Variants in KIF13B observed in about 807,000 individuals in gnomAD.
The protein encoded by KIF13B is kinesin-like protein KIF13B.
A neutral mutation model predicts 222.0 loss-of-function variants in KIF13B; 127 were observed. The observed-to-expected ratio is 0.57, with a 90% CI of 0.50 to 0.66. The LOEUF (loss-of-function observed/expected upper bound fraction) is 0.66. KIF13B is among the 30% of genes least tolerant of loss of function. The pLI is 0.00. For synonymous variants in KIF13B, 976 were observed against 919.0 expected (o/e 1.06, Z -1.12); for missense variants, 2,173 against 2,379.0 (o/e 0.91, Z 1.80).
chr8:29,228,340 G>A (rs777303705), intron 2 of KIF13B, among the ~76,000 whole-genome samples: 15 of 151,286 alleles, frequency 9.9e-5, no homozygotes, highest in East Asian at 1.9e-4. Context: ...GGTGGCGGGC[G>A]CCTGTAATCC....
Position 29,186,390 on chromosome 8 carries a change from T to G in KIF13B, c.399A>C (p.Arg133=). The change falls in exon 6 of 40, where the codon CGA becomes CGC. Residue 133 remains arginine, a synonymous_variant. Coordinates refer to ENST00000524189, the MANE Select transcript of KIF13B (RefSeq NM_015254.4). ...IPRLCSGLFE[R]TQKEENEEQS... is the part of the protein sequence containing the mutation. Reference sequence around the variant, plus strand: ...GTTCTTCATTTTCCTCTTTCTGAGTTCGTTCAAAGAGTCCACTGCAAAGTC... The same window carrying G: ...GTTCTTCATTTTCCTCTTTCTGAGTGCGTTCAAAGAGTCCACTGCAAAGTC... 1 of 1,613,860 alleles carries G rather than the reference T, an allele frequency of 6.2e-7. No homozygotes were observed. Among genetic ancestry groups the G allele is most frequent in the Non-Finnish European group, 8.5e-7 (1 of 1,179,716 alleles).
chr8:29,122,464 C>T (rs1809914690), intron 29 of KIF13B, 127 bp downstream of exon 29: 1 of 711,780 alleles, frequency 1.4e-6, no homozygotes, highest in Non-Finnish European at 2.5e-6. Context: ...GAGACATGGA[C>T]ACACGTCAAA....
At chr8:29,192,932 G>T (rs1813251961) in intron 3 of KIF13B, among the ~76,000 whole-genome samples, 1 of 151,840 alleles carries the variant, frequency 6.6e-6, no homozygotes, top group African/African-American at 2.4e-5. Flanking sequence ...TAAGGGTGGG[G>T]GCCTGCAGGG....
At chr8:29,086,740 C>A (rs1808063006) in intron 37 of KIF13B, among the ~76,000 whole-genome samples, 1 of 152,120 alleles carries the variant, frequency 6.6e-6, no homozygotes, top group Admixed American at 6.5e-5. Flanking sequence ...TCACTATTTC[C>A]CCCTTCCTAT....
At chr8:29,135,956 C>A (rs1810535575) in intron 21 of KIF13B, among the ~76,000 whole-genome samples, 1 of 57,964 alleles carries the variant, frequency 1.7e-5, no homozygotes, top group South Asian at 4.9e-4. Context: ...CAAAATTACA[C>A]AAACCAGATA....
chr8:29,198,030 C>T (rs1586914481), intron 2 of KIF13B, among the ~76,000 whole-genome samples: 1 of 152,158 alleles, frequency 6.6e-6, no homozygotes. Flanking sequence ...CTCTTTGTTG[C>T]TTTGTCTCCT....
chr8:29,217,345 T>G (rs181824896), intron 2 of KIF13B, among the ~76,000 whole-genome samples: 1 of 152,346 alleles, frequency 6.6e-6, no homozygotes, highest in African/African-American at 2.4e-5. Flanking sequence ...TGGCGAAGAC[T>G]GGGCTCAGGA....
At chr8:29,182,522 G>C (rs1299815042) in intron 6 of KIF13B, among the ~76,000 whole-genome samples, 1 of 151,682 alleles carries the variant, frequency 6.6e-6, no homozygotes, top group Non-Finnish European at 1.5e-5. Context: ...GGCGGAGGAG[G>C]GAAGTATGAT....
chr8:29,110,481 G>T, intron 32 of KIF13B: 1 of 175,042 alleles, frequency 5.7e-6, no homozygotes. Flanking sequence ...CACAGCGTAG[G>T]AATCAAACTG....
chr8:29,115,473 C>A (rs774199227), intron 31 of KIF13B, among the ~76,000 whole-genome samples: 2 of 151,860 alleles, frequency 1.3e-5, no homozygotes, highest in Non-Finnish European at 2.9e-5. Flanking sequence ...ATTGCAGGCA[C>A]CCACCACCAC....
chr8:29,159,589 TCACA>T (rs1380844966), intron 13 of KIF13B, among the ~76,000 whole-genome samples: 2 of 152,174 alleles, frequency 1.3e-5, no homozygotes, highest in African/African-American at 4.8e-5. Flanking sequence ...TCTCCAACCC[TCACA>T]GGAACCTGGC....
intron 32 of KIF13B, among the ~76,000 whole-genome samples, chr8:29,111,708 GGA>G (rs1396433968): frequency 6.6e-6 from 1 of 152,164 alleles, no homozygotes; most frequent in Non-Finnish European, 1.5e-5. Flanking sequence ...GAGGGGAAAT[GGA>G]GAGAGAAAAG....
In KIF13B at chr8:29,221,791, T is replaced by G. The variant is rs528340219; in HGVS notation, c.149+23555A>C. ...TTGCAAAGGATAATGCCCAAAATAT[T>G]GTTTTTTAAACAAAATTCCTTTCAA... On this transcript the variant is annotated intron_variant, in intron 2 of 39. Coordinates refer to ENST00000524189, the MANE Select transcript of KIF13B (RefSeq NM_015254.4). Among the ~76,000 whole-genome samples the G allele has an allele frequency of 2.0e-5, 3 of 152,334 alleles. No individual in the cohort carries two copies. In the East Asian group the frequency reaches 5.8e-4, roughly 29 times the overall value.
At chr8:29,183,168 G>GTTTTTTT (rs58034349) in intron 6 of KIF13B, among the ~76,000 whole-genome samples, 2 of 117,688 alleles carry the variant, frequency 1.7e-5, no homozygotes, top group African/African-American at 3.1e-5. Flanking sequence ...CTTAAAGTTT[G>GTTTTTTT]TTTTTTTTTT....
At chr8:29,184,557 G>A (rs1410146176) in intron 6 of KIF13B, among the ~76,000 whole-genome samples, 1 of 152,066 alleles carries the variant, frequency 6.6e-6, no homozygotes, top group Non-Finnish European at 1.5e-5. Context: ...ACAAGTAGAG[G>A]ACCTAGATCC....
intron 2 of KIF13B, among the ~76,000 whole-genome samples, chr8:29,211,258 C>CA (rs976950445): frequency 2.6e-5 from 4 of 152,218 alleles, no homozygotes; most frequent in African/African-American, 9.7e-5. Context: ...TGTGAAGCCC[C>CA]AGCCATGATA....
intron 12 of KIF13B, among the ~76,000 whole-genome samples, chr8:29,161,691 A>C (rs1447594283): frequency 8.3e-6 from 1 of 120,868 alleles, no homozygotes; most frequent in East Asian, 2.1e-4. Flanking sequence ...GAAAGACTCC[A>C]TCTCAAAACC....
At chr8:29,074,110 C>T (rs1018794752) in intron 38 of KIF13B, among the ~76,000 whole-genome samples, 36 of 152,212 alleles carry the variant, frequency 2.4e-4, no homozygotes, top group Non-Finnish European at 4.3e-4. Context: ...GCCCCCACCC[C>T]GGGTAAGGCC....
intron 15 of KIF13B, 137 bp downstream of exon 15, chr8:29,150,160 A>G (rs1033962313): frequency 1.7e-6 from 1 of 587,762 alleles, no homozygotes; most frequent in African/African-American, 1.9e-5. Flanking sequence ...CACATATATA[A>G]TACACATGCA....
Sources: allele counts gnomAD v4.1 joint callset (sites outside exome capture counted in the v4.1 genomes callset), GRCh38; gene constraint gnomAD v4.1.1; transcripts MANE v1.5; gene names NCBI Gene and HGNC (gene_info 2026-07-23, HGNC 2026-07-21).